DLGAP2: variants seen among roughly 807,000 people sequenced by gnomAD.
DLGAP2 encodes disks large-associated protein 2.
A neutral mutation model predicts 100.3 loss-of-function variants in DLGAP2; 26 were observed. That is an observed-to-expected ratio of 0.26 (90% CI 0.19 to 0.36). The LOEUF (loss-of-function observed/expected upper bound fraction) is 0.36. Ranked by LOEUF, DLGAP2 falls within the 10% of genes least tolerant of loss-of-function variation. DLGAP2 has a pLI of 1.00. For synonymous variants in DLGAP2, 886 were observed against 630.1 expected (o/e 1.41, Z -6.08); for missense variants, 1,858 against 1,453.2 (o/e 1.28, Z -4.53).
intron 5 of DLGAP2, among the ~76,000 whole-genome samples, chr8:1,550,142 C>A (rs954259833): frequency 1.3e-5 from 2 of 152,230 alleles, no homozygotes; most frequent in Non-Finnish European, 2.9e-5. Context: ...GCGCCGGGCT[C>A]ATCCTGCTTT....
intron 4 of DLGAP2, among the ~76,000 whole-genome samples, chr8:1,542,749 G>C (rs1801405458): frequency 6.6e-6 from 1 of 152,108 alleles, no homozygotes; most frequent in African/African-American, 2.4e-5. Context: ...TCTTGGATGT[G>C]CACCTCGGAG....
At chr8:953,696 C>T (rs901091425) in intron 2 of DLGAP2, among the ~76,000 whole-genome samples, 19 of 151,966 alleles carry the variant, frequency 1.3e-4, no homozygotes, top group African/African-American at 3.4e-4. Context: ...AAGAAAGTGC[C>T]GAGTGGAGCT....
rs1563164846 is a variant in DLGAP2 at position 1,464,287 on chromosome 8, G to GTCCAGGACAGCTCCCTTCCAGCACAGCT, written c.107-37079_107-37078insTCCAGGACAGCTCCCTTCCAGCACAGCT. Among the ~76,000 whole-genome samples, 2 of 29,790 alleles carry GTCCAGGACAGCTCCCTTCCAGCACAGCT rather than the reference G, an allele frequency of 6.7e-5. 1 individual carries two copies. Among genetic ancestry groups the GTCCAGGACAGCTCCCTTCCAGCACAGCT allele is most frequent in the Admixed American group, 8.2e-4 (2 of 2,450 alleles). 19.5% of individuals were successfully genotyped at this position (29,790 alleles called of 152,430 possible). A position where few individuals can be genotyped will look rare whatever the true frequency, so the allele number is the denominator to read the frequency against. On this transcript the variant is annotated intron_variant, in intron 3 of 14. Coordinates refer to ENST00000637795, the MANE Select transcript of DLGAP2 (RefSeq NM_001346810.2). ...CAGGACGGCACCCTTCCAGGACAAC[G>GTCCAGGACAGCTCCCTTCCAGCACAGCT]CCCTTCCAGGATGGCACCCTTCCAG... is the stretch of plus-strand genomic sequence containing the variant.
At chr8:1,578,945 A>G (rs1296277503) in intron 6 of DLGAP2, among the ~76,000 whole-genome samples, 1 of 152,222 alleles carries the variant, frequency 6.6e-6, no homozygotes, top group African/African-American at 2.4e-5. Context: ...TTATCAACTA[A>G]TTGAAATGCA....
At chr8:1,274,337 G>T (rs1799640205) in intron 3 of DLGAP2, among the ~76,000 whole-genome samples, 1 of 152,056 alleles carries the variant, frequency 6.6e-6, no homozygotes, top group Admixed American at 6.6e-5. Flanking sequence ...ATGTGAACGT[G>T]AAAATAAGCC....
At chr8:907,158 GAGACTTGT>G (rs1212931047) in intron 1 of DLGAP2, among the ~76,000 whole-genome samples, 1 of 152,194 alleles carries the variant, frequency 6.6e-6, no homozygotes, top group Non-Finnish European at 1.5e-5. Context: ...GTAATAAGCA[GAGACTTGT>G]AGATGCTGTC....
At chr8:1,624,962 A>T (rs1025198528) in intron 6 of DLGAP2, among the ~76,000 whole-genome samples, 2 of 152,108 alleles carry the variant, frequency 1.3e-5, no homozygotes, top group African/African-American at 4.8e-5. Context: ...CTTTTAAAGC[A>T]AAAATATTTA....
chr8:1,480,436 C>G (rs1477669940), intron 3 of DLGAP2, among the ~76,000 whole-genome samples: 1 of 152,190 alleles, frequency 6.6e-6, no homozygotes, highest in African/African-American at 2.4e-5. Flanking sequence ...CGTTCCCACA[C>G]ACATATTTTG....
intron 1 of DLGAP2, among the ~76,000 whole-genome samples, chr8:812,689 G>T (rs1392405735): frequency 1.3e-5 from 2 of 152,180 alleles, no homozygotes; most frequent in Non-Finnish European, 2.9e-5. Flanking sequence ...TGCATTTGGT[G>T]TGCTGAGATT....
intron 2 of DLGAP2, among the ~76,000 whole-genome samples, chr8:1,087,521 A>G (rs1004260662): frequency 1.3e-5 from 2 of 150,938 alleles, no homozygotes; most frequent in African/African-American, 4.9e-5. Flanking sequence ...TTGTCAGTGA[A>G]CCACATGTGT....
chr8:1,613,529 A>G (rs1397735260), intron 6 of DLGAP2, among the ~76,000 whole-genome samples: 2 of 147,716 alleles, frequency 1.4e-5, no homozygotes, highest in Non-Finnish European at 3.0e-5. Context: ...GTACCCTAAA[A>G]CTTAAAGTAT....
intron 2 of DLGAP2, among the ~76,000 whole-genome samples, chr8:1,245,270 C>A (rs1165367694): frequency 1.3e-5 from 2 of 152,106 alleles, no homozygotes; most frequent in Admixed American, 1.3e-4. Context: ...AACATATGTC[C>A]ACTAAAAAAA....
chr8:910,101 G>A (rs984473888), intron 2 of DLGAP2, among the ~76,000 whole-genome samples: 4 of 152,212 alleles, frequency 2.6e-5, no homozygotes, highest in Non-Finnish European at 4.4e-5. Flanking sequence ...GGAGGGTGGG[G>A]ACGGCTGCCC....
chr8:1,490,434 AT>A (rs961247571), intron 3 of DLGAP2, among the ~76,000 whole-genome samples: 5 of 152,162 alleles, frequency 3.3e-5, no homozygotes, highest in African/African-American at 9.7e-5. Context: ...CAAAGTGAAT[AT>A]TTTTTTATGT....
chr8:1,616,003 A>G (rs1015375019), intron 6 of DLGAP2, among the ~76,000 whole-genome samples: 20 of 152,032 alleles, frequency 1.3e-4, no homozygotes, highest in Non-Finnish European at 1.5e-5. Context: ...ACAAGGTTAA[A>G]GATGTTAAAG....
chr8:1,073,146 G>A (rs1369044048), intron 2 of DLGAP2, among the ~76,000 whole-genome samples: 1 of 152,156 alleles, frequency 6.6e-6, no homozygotes, highest in African/African-American at 2.4e-5. Flanking sequence ...TGGCTTCCAG[G>A]TCTGTCTTCC....
At chr8:883,661 G>T (rs536522431) in intron 1 of DLGAP2, among the ~76,000 whole-genome samples, 299 of 150,562 alleles carry the variant, frequency 2.0e-3, no homozygotes, top group African/African-American at 7.1e-3. Context: ...GGTTCGTTAC[G>T]TAGGTGCGCG....
chr8:1,152,707 T>C (rs1796717230), intron 2 of DLGAP2, among the ~76,000 whole-genome samples: 1 of 152,192 alleles, frequency 6.6e-6, no homozygotes, highest in African/African-American at 2.4e-5. Context: ...CTTGGCATCA[T>C]CACTGTCTTA....
rs551726476 is a variant in DLGAP2 at position 1,634,439 on chromosome 8, A to T, written c.1810+1393A>T. On this transcript the variant is annotated intron_variant, in intron 8 of 14. Transcript: ENST00000637795. ...TCCACAGGCTGACAACACATCCCCC[A>T]GGTGCAGCCACCGGGCAGCTGTGGG... Among the ~76,000 whole-genome samples the T allele has an allele frequency of 5.3e-5, 8 of 152,246 alleles. No homozygotes were observed. The South Asian group carries it at 1.5e-3, about 28-fold the overall frequency.
Sources: gnomAD v4.1 joint callset for allele counts (sites outside exome capture counted in the v4.1 genomes callset) on GRCh38, gnomAD v4.1.1 for gene constraint, MANE v1.5 for transcripts, NCBI Gene and HGNC (gene_info 2026-07-23, HGNC 2026-07-21) for gene names.